NAA38: variants seen among roughly 807,000 people sequenced by gnomAD.
The protein encoded by NAA38 is LSM domain containing 1.
A neutral mutation model predicts 12.6 loss-of-function variants in NAA38; 15 were observed. The observed-to-expected ratio is 1.19, with a 90% CI of 0.79 to 1.83. The LOEUF (loss-of-function observed/expected upper bound fraction) is 1.83, where lower values mean the gene tolerates loss of function less well. Ranked by LOEUF, NAA38 falls within the 40% of genes most tolerant of loss-of-function variation. The probability of loss-of-function intolerance (pLI) is 0.00; values close to 1 mark genes in which losing one functional copy is unlikely to be tolerated. For missense variants in NAA38, 183 were observed against 171.7 expected (o/e 1.07, Z -0.37); for synonymous variants, 88 against 69.9 (o/e 1.26, Z -1.29).
intron 1 of NAA38, chr17:7,884,695 CGAGGAGGAGGAGGAGGAG>C (rs1273939480): frequency 3.0e-5 from 8 of 267,718 alleles, no homozygotes; most frequent in East Asian, 5.5e-5. Flanking sequence ...ACGCCGCCGC[CGAGGAGGAGGAGGAGGAG>C]GAGGAGGAGG....
rs3744250 is a variant in NAA38 at position 7,856,736 on chromosome 17, G to A, written c.373C>T (p.Leu125Phe). The A allele has an allele frequency of 1.9e-4, 312 of 1,613,260 alleles. No individual in the cohort carries two copies. The East Asian group carries it at 6.7e-3, about 35-fold the overall frequency. Reference protein sequence around the residue: ...QRESLTGPPYL With the variant: ...QRESLTGPPYF ...AAAGGTAAGCGCCATCGTGGTCAGAGATACGGAGGCCCGGTCAGACTCTCC... is the reference window on the plus strand; with the variant it reads ...AAAGGTAAGCGCCATCGTGGTCAGAAATACGGAGGCCCGGTCAGACTCTCC... Residue 125 changes from leucine (L) to phenylalanine (F), a missense_variant, in exon 3 of 3, where the codon CTC (leucine) becomes TTC (phenylalanine). Coordinates refer to ENST00000575771, the MANE Select transcript of NAA38 (RefSeq NM_001320925.4).
At chr17:7,858,791 T>G (rs767123732), upstream of NAA38, 1 of 1,571,814 alleles carries the variant, frequency 6.4e-7, no homozygotes, top group Non-Finnish European at 8.6e-7. Context: ...TCCGCATCAT[T>G]AACACGCTCA....
At chr17:7,879,364 C>T (rs1381608468) in intron 2 of NAA38, among the ~76,000 whole-genome samples, 2 of 152,030 alleles carry the variant, frequency 1.3e-5, no homozygotes, top group African/African-American at 4.8e-5. Flanking sequence ...TCACTGGTTC[C>T]CTACATCAGA....
intron 2 of NAA38, among the ~76,000 whole-genome samples, chr17:7,873,350 A>G (rs1967119650): frequency 6.6e-6 from 1 of 152,228 alleles, no homozygotes; most frequent in South Asian, 2.1e-4. Flanking sequence ...GGGGGTGGTC[A>G]AGTGAAGAAC....
At chr17:7,859,661 CT>C (rs1455012146), upstream of NAA38, 2 of 1,578,502 alleles carry the variant, frequency 1.3e-6, no homozygotes, top group Non-Finnish European at 8.7e-7. Context: ...TCGAGTTTGG[CT>C]TTTTCTGTGC....
At chr17:7,860,617 C>A (rs927289881), upstream of NAA38, 1 of 152,162 alleles carries the variant, frequency 6.6e-6, no homozygotes, top group African/African-American at 2.4e-5. Flanking sequence ...CTCATGTTAA[C>A]ATTTGTAGCC....
At position 7,866,310 on chromosome 17, in the gene NAA38, G is replaced by A. The variant is rs890287603; in HGVS notation, c.3+181C>T. ...TTTTTAGTAGAGACGGGGTTTTACC[G>A]TGTTAGCCAGGATGGTCTTGATCTC... On this transcript the variant is annotated intron_variant, in intron 3 of 4. Coordinates refer to the NAA38 transcript ENST00000576861. Among the ~76,000 whole-genome samples, 5 of 132,684 alleles carry A rather than the reference G, an allele frequency of 3.8e-5. No homozygotes were observed. In the South Asian group the frequency reaches 7.1e-4, roughly 19 times the overall value. 87.0% of individuals were successfully genotyped at this position (132,684 alleles called of 152,430 possible).
At chr17:7,875,222 C>A (rs1967155056) in intron 2 of NAA38, among the ~76,000 whole-genome samples, 1 of 152,040 alleles carries the variant, frequency 6.6e-6, no homozygotes, top group Non-Finnish European at 1.5e-5. Context: ...AAACAAAAAA[C>A]CCTCCATAAG....
At chr17:7,885,152 G>A (rs1967595750) in intron 1 of NAA38, 10 of 982,212 alleles carry the variant, frequency 1.0e-5, no homozygotes, top group Non-Finnish European at 1.2e-5. Flanking sequence ...CCGGGCGGGG[G>A]CGAGGCACCC....
intron 1 of NAA38, among the ~76,000 whole-genome samples, chr17:7,884,079 C>CAG (rs990777332): frequency 6.6e-6 from 1 of 151,222 alleles, no homozygotes; most frequent in African/African-American, 2.4e-5. Context: ...CCAACACACA[C>CAG]ACACACACAC....
At chr17:7,878,789 A>G (rs1220803453) in intron 2 of NAA38, among the ~76,000 whole-genome samples, 11 of 152,034 alleles carry the variant, frequency 7.2e-5, no homozygotes, top group Non-Finnish European at 1.6e-4. Context: ...CATGTTGAAA[A>G]TTTTCAGATT....
chr17:7,860,050 G>C, upstream of NAA38: 3 of 184,152 alleles, frequency 1.6e-5, no homozygotes, highest in South Asian at 3.1e-4. Flanking sequence ...CTTACTTGTA[G>C]AAGAGTGTTT....
chr17:7,865,039 T>G (rs1966939558), intron 3 of NAA38: 1 of 152,210 alleles, frequency 6.6e-6, no homozygotes. Flanking sequence ...ATGCTCAACC[T>G]GTACATACAC....
chr17:7,858,428 G>A (rs753091475), upstream of NAA38: 1 of 1,614,174 alleles, frequency 6.2e-7, no homozygotes, highest in South Asian at 1.1e-5. Flanking sequence ...AACCCATCGT[G>A]GAAGTTGCAG....
chr17:7,857,221 T>C, intron 1 of NAA38, 23 bp from the exon 2 acceptor site: 3 of 1,612,390 alleles, frequency 1.9e-6, no homozygotes, highest in Non-Finnish European at 2.5e-6. Flanking sequence ...TAACAAGCGC[T>C]CAGACCGCGC....
At chr17:7,858,142 G>A (rs774217747), upstream of NAA38, 1 of 1,613,428 alleles carries the variant, frequency 6.2e-7, no homozygotes, top group Middle Eastern at 1.7e-4. Context: ...GCCATGCCGC[G>A]CCGGGGCCTG....
At chr17:7,867,965 G>A (rs1354874355) in intron 2 of NAA38, among the ~76,000 whole-genome samples, 3 of 152,222 alleles carry the variant, frequency 2.0e-5, no homozygotes, top group African/African-American at 4.8e-5. Flanking sequence ...GCTGGAAGAG[G>A]ACTTTGGGAA....
rs770250000 is a variant in NAA38 at position 7,857,422 on chromosome 17, A to G, written c.42T>C (p.Asn14=). Reference sequence around the variant, plus strand: ...TGCTCTGACGCCGACTGCAACAGCCATTCTCTTCTCGTAGCAGCATGGTCG... The same window carrying G: ...TGCTCTGACGCCGACTGCAACAGCCGTTCTCTTCTCGTAGCAGCATGGTCG... ...AGPTMLLREE[N]GCCSRRQSSS... is the part of the protein sequence containing the mutation. Residue 14 remains asparagine (N), a synonymous_variant, in exon 1 of 3, where the codon AAT becomes AAC. Transcript: ENST00000575771. The G allele has an allele frequency of 5.7e-6, 9 of 1,592,476 alleles. No individual in the cohort carries two copies. The highest frequency in any genetic ancestry group is 7.7e-6 in the Non-Finnish European group (9 of 1,171,864).
intron 1 of NAA38, 23 bp from the exon 2 acceptor site, chr17:7,857,221 T>TC: frequency 6.2e-7 from 1 of 1,612,390 alleles, no homozygotes; most frequent in Admixed American, 1.7e-5. Context: ...TAACAAGCGC[T>TC]CAGACCGCGC....
Sources: allele counts gnomAD v4.1 joint callset (sites outside exome capture counted in the v4.1 genomes callset), GRCh38; gene constraint gnomAD v4.1.1; transcripts MANE v1.5; gene names NCBI Gene and HGNC (gene_info 2026-07-23, HGNC 2026-07-21).